Variants in DOK6 observed in about 807,000 individuals in gnomAD.
The protein encoded by DOK6 is downstream of tyrosine kinase 6.
DOK6 carries 22 observed loss-of-function variants against 44.0 expected under a neutral mutation model. The observed-to-expected ratio is 0.50, with a 90% CI of 0.36 to 0.71. The LOEUF is 0.71. Ranked by LOEUF, DOK6 falls within the 30% of genes least tolerant of loss-of-function variation. The pLI, the probability that DOK6 is intolerant of heterozygous loss-of-function variation, is 0.00. For missense variants in DOK6, 340 were observed against 416.4 expected (o/e 0.82, Z 1.60); for synonymous variants, 166 against 145.5 (o/e 1.14, Z -1.01).
At chr18:69,420,670 C>G (rs1418083164) in intron 1 of DOK6, among the ~76,000 whole-genome samples, 1 of 152,008 alleles carries the variant, frequency 6.6e-6, no homozygotes, top group African/African-American at 2.4e-5. Flanking sequence ...GTTAAGGAAG[C>G]TAAGATAACA....
In DOK6 at chr18:69,841,515, G is replaced by A. The variant is rs1222442626; in HGVS notation, c.*132G>A. On this transcript the variant is annotated 3_prime_UTR_variant, in exon 8 of 8. Coordinates refer to ENST00000382713, the MANE Select transcript of DOK6 (RefSeq NM_152721.6). ...GGTCGGCTCTAGCCCCAGTCCCATT[G>A]GAAGGTTAAAAACTGGAGTTCTGCT... 7.9e-7 allele frequency: 1 copy of A among 1,272,456 alleles called. No individual in the cohort carries two copies. The highest frequency in any genetic ancestry group is 1.0e-6 in the Non-Finnish European group (1 of 960,546). 78.8% of individuals were successfully genotyped at this position (1,272,456 alleles called of 1,614,324 possible).
Position 69,712,328 on chromosome 18 carries a change from T to TAAAAA in DOK6, c.599+13735_599+13736insAAAAA, listed in dbSNP as rs1986783925. Among the ~76,000 whole-genome samples, 12 of 33,736 alleles carry TAAAAA rather than the reference T, an allele frequency of 3.6e-4. 3 individuals are homozygous for TAAAAA. Among genetic ancestry groups the TAAAAA allele is most frequent in the Non-Finnish European group, 4.7e-4 (8 of 16,912 alleles). The allele number at this position is 33,736 out of a possible 152,430, so 22.1% of individuals were successfully genotyped here. A position where few individuals can be genotyped will look rare whatever the true frequency, so the allele number is the denominator to read the frequency against. On this transcript the variant is annotated intron_variant, in intron 5 of 7. Coordinates refer to ENST00000382713, the MANE Select transcript of DOK6 (RefSeq NM_152721.6). Reference sequence around the variant, plus strand: ...AAAAAAAAAAAAAAAAAAAAAAAATTTAACCTTTTCCGAATCACATTTGTG... The same window carrying TAAAAA: ...AAAAAAAAAAAAAAAAAAAAAAAATTAAAAATAACCTTTTCCGAATCACATTTGTG...
At chr18:69,669,459 T>G (rs924435496) in intron 3 of DOK6, among the ~76,000 whole-genome samples, 5 of 152,240 alleles carry the variant, frequency 3.3e-5, no homozygotes, top group African/African-American at 1.2e-4. Context: ...CTGCGCAGTA[T>G]TTCATGATGT....
intron 5 of DOK6, among the ~76,000 whole-genome samples, chr18:69,715,451 G>A (rs1466250650): frequency 6.6e-6 from 1 of 152,152 alleles, no homozygotes; most frequent in Non-Finnish European, 1.5e-5. Flanking sequence ...ATGCACACAG[G>A]CTAAACTAAG....
intron 3 of DOK6, among the ~76,000 whole-genome samples, chr18:69,626,437 C>T (rs1043283244): frequency 2.6e-5 from 4 of 152,116 alleles, no homozygotes; most frequent in African/African-American, 9.7e-5. Context: ...TCAGAAAATA[C>T]ATACTAAAAG....
intron 3 of DOK6, among the ~76,000 whole-genome samples, chr18:69,616,582 A>T (rs766235953): frequency 6.6e-6 from 1 of 151,968 alleles, no homozygotes; most frequent in Non-Finnish European, 1.5e-5. Flanking sequence ...GAATTTAGAA[A>T]CTACTTTTTT....
At chr18:69,456,416 C>T (rs1456462690) in intron 1 of DOK6, among the ~76,000 whole-genome samples, 1 of 152,112 alleles carries the variant, frequency 6.6e-6, no homozygotes, top group African/African-American at 2.4e-5. Context: ...CTTCCTGTGC[C>T]TCCATTAATT....
intron 1 of DOK6, among the ~76,000 whole-genome samples, chr18:69,510,355 G>A (rs1453994318): frequency 6.6e-6 from 1 of 152,026 alleles, no homozygotes; most frequent in Non-Finnish European, 1.5e-5. Context: ...ACTTACCAGG[G>A]TATCTTAATA....
At chr18:69,498,268 A>C (rs1980950110) in intron 1 of DOK6, among the ~76,000 whole-genome samples, 1 of 152,176 alleles carries the variant, frequency 6.6e-6, no homozygotes. Flanking sequence ...ATAAAGTATA[A>C]TAACAAGTTT....
chr18:69,766,628 A>G (rs1421053960), intron 7 of DOK6, among the ~76,000 whole-genome samples: 1 of 152,202 alleles, frequency 6.6e-6, no homozygotes, highest in Non-Finnish European at 1.5e-5. Flanking sequence ...TATATTTAGT[A>G]TTCATTAAGT....
rs11351701 is a variant in DOK6 at position 69,716,692 on chromosome 18, CAAAA to C, written c.599+18117_599+18120del. ...GATAACAGATTCTCTGCAGAATTGA[CAAAA>C]AAAAAAAAAAAAAAAAAGTCTTCTG... On this transcript the variant is annotated intron_variant, in intron 5 of 7. Coordinates refer to ENST00000382713, the MANE Select transcript of DOK6 (RefSeq NM_152721.6). Among the ~76,000 whole-genome samples the C allele has an allele frequency of 1.9e-3, 204 of 104,732 alleles. 1 individual carries two copies. Among genetic ancestry groups the C allele is most frequent in the South Asian group, 9.8e-3 (30 of 3,058 alleles). 68.7% of individuals were successfully genotyped at this position (104,732 alleles called of 152,430 possible).
chr18:69,563,636 C>T (rs896084602), intron 1 of DOK6, among the ~76,000 whole-genome samples: 1 of 126,574 alleles, frequency 7.9e-6, no homozygotes, highest in Non-Finnish European at 1.6e-5. Context: ...GAACATCACA[C>T]ACTGGGGCCT....
intron 5 of DOK6, chr18:69,721,543 A>T (rs1978288716): frequency 6.6e-6 from 1 of 152,230 alleles, no homozygotes; most frequent in Non-Finnish European, 1.5e-5. Flanking sequence ...ATTTTCTTCA[A>T]TCACATTGTG....
intron 1 of DOK6, among the ~76,000 whole-genome samples, chr18:69,514,471 A>G (rs563817035): frequency 1.3e-5 from 2 of 152,302 alleles, no homozygotes; most frequent in East Asian, 3.9e-4. Flanking sequence ...ATATTGTTTA[A>G]AAGTCAAACT....
At chr18:69,825,890 TA>T (rs373518533) in intron 7 of DOK6, among the ~76,000 whole-genome samples, 16,452 of 145,950 alleles carry the variant, frequency 0.11, 1,020 homozygotes, top group Non-Finnish European at 0.13. Flanking sequence ...AGTGTGGCAT[TA>T]AAAAAAAAAA....
intron 7 of DOK6, among the ~76,000 whole-genome samples, chr18:69,803,640 G>A (rs1980966544): frequency 6.6e-6 from 1 of 152,162 alleles, no homozygotes; most frequent in Non-Finnish European, 1.5e-5. Flanking sequence ...GAGGCAGGTG[G>A]ATCACGAGGT....
At chr18:69,603,564 G>A (rs937792614) in intron 3 of DOK6, among the ~76,000 whole-genome samples, 1 of 152,208 alleles carries the variant, frequency 6.6e-6, no homozygotes, top group African/African-American at 2.4e-5. Flanking sequence ...GAGGTCAGGA[G>A]ATCGAGAGCA....
intron 1 of DOK6, among the ~76,000 whole-genome samples, chr18:69,408,991 G>A (rs912881836): frequency 1.3e-5 from 2 of 152,042 alleles, no homozygotes; most frequent in African/African-American, 2.4e-5. Flanking sequence ...TGTCCCCACC[G>A]AAATCTCATT....
chr18:69,430,352 A>C (rs1459594443), intron 1 of DOK6, among the ~76,000 whole-genome samples: 1 of 152,182 alleles, frequency 6.6e-6, no homozygotes, highest in African/African-American at 2.4e-5. Flanking sequence ...GGTACAGGTT[A>C]TTTCTTTTTA....
Sources: allele counts gnomAD v4.1 joint callset (sites outside exome capture counted in the v4.1 genomes callset), GRCh38; gene constraint gnomAD v4.1.1; transcripts MANE v1.5; gene names NCBI Gene and HGNC (gene_info 2026-07-23, HGNC 2026-07-21).